SASH1: variants seen among roughly 807,000 people sequenced by gnomAD.
The protein encoded by SASH1 is SAM and SH3 domain containing 1.
A neutral mutation model predicts 125.2 loss-of-function variants in SASH1; 44 were observed. The ratio of observed to expected loss-of-function variants is 0.35; its 90% CI spans 0.28 to 0.45. The LOEUF (loss-of-function observed/expected upper bound fraction) is 0.45, where lower values mean the gene tolerates loss of function less well. SASH1 is among the 20% of genes least tolerant of loss of function. SASH1 has a pLI of 1.00. For missense variants in SASH1, 1,426 were observed against 1,614.5 expected, an observed-to-expected ratio of 0.88 and a Z score of 2.00; for synonymous variants, 639 against 649.1, an observed-to-expected ratio of 0.98 and a Z score of 0.24.
chr6:148,280,667 G>A (rs1479551500), intron 1 of SASH1, among the ~76,000 whole-genome samples: 1 of 152,102 alleles, frequency 6.6e-6, no homozygotes, highest in African/African-American at 2.4e-5. Context: ...AATTAGCTGA[G>A]TGTGGTTGCA....
chr6:148,280,876 T>C (rs1779320730), intron 1 of SASH1, among the ~76,000 whole-genome samples: 1 of 152,016 alleles, frequency 6.6e-6, no homozygotes, highest in South Asian at 2.1e-4. Context: ...GCATAGAGAA[T>C]ATGGCATGTC....
intron 8 of SASH1, among the ~76,000 whole-genome samples, chr6:148,502,647 G>T (rs1779605067): frequency 6.6e-6 from 1 of 151,978 alleles, no homozygotes; most frequent in South Asian, 2.1e-4. Flanking sequence ...GAAGAGGAGG[G>T]CCGGGAAGCT....
At chr6:148,404,779 T>A (rs1232519952) in intron 2 of SASH1, among the ~76,000 whole-genome samples, 2 of 109,668 alleles carry the variant, frequency 1.8e-5, no homozygotes, top group African/African-American at 7.1e-5. Context: ...CTCGCCCTCA[T>A]CCCAGTCCCC....
At chr6:148,215,273 A>G in the SASH1 span, among the ~76,000 whole-genome samples, 1 of 152,232 alleles carries the variant, frequency 6.6e-6, no homozygotes, top group Non-Finnish European at 1.5e-5. Context: ...GCATCTGGAA[A>G]AAAACAACCC....
At chr6:148,220,490 G>T in the SASH1 span, among the ~76,000 whole-genome samples, 1 of 152,296 alleles carries the variant, frequency 6.6e-6, no homozygotes, top group East Asian at 1.9e-4. Context: ...GTTAATTCTA[G>T]CGGGACATAT....
At chr6:148,404,577 A>AACCCCCACCACCTGCCCC (rs1784301179) in intron 2 of SASH1, among the ~76,000 whole-genome samples, 3 of 6,916 alleles carry the variant, frequency 4.3e-4, no homozygotes, top group Non-Finnish European at 8.4e-4. Flanking sequence ...GCTCCGCCCC[A>AACCCCCACCACCTGCCCC]ACCCCCACCA....
the SASH1 span, among the ~76,000 whole-genome samples, chr6:148,197,017 A>G: frequency 6.6e-6 from 1 of 152,324 alleles, no homozygotes; most frequent in African/African-American, 2.4e-5. Context: ...AAGATAGAGA[A>G]TGGAGCAGAT....
chr6:148,403,342 C>T (rs747600754), intron 2 of SASH1, among the ~76,000 whole-genome samples: 10 of 151,442 alleles, frequency 6.6e-5, no homozygotes, highest in African/African-American at 1.2e-4. Context: ...TGGCCTCAAG[C>T]GATCCTCCCA....
Position 148,348,981 on chromosome 6 carries a change from A to G in SASH1, c.156+5758A>G, listed in dbSNP as rs1781610596. Among the ~76,000 whole-genome samples the G allele has an allele frequency of 2.0e-5, 3 of 152,300 alleles. No individual in the cohort carries two copies. In the South Asian group the frequency reaches 6.2e-4, roughly 32 times the overall value. ...GGAGCGTCTGGGCGGCCCCTACCAGACATACCTTTGGATTTGGGCCCTGAG... is the reference window on the plus strand; with the variant it reads ...GGAGCGTCTGGGCGGCCCCTACCAGGCATACCTTTGGATTTGGGCCCTGAG... On this transcript the variant is annotated intron_variant, in intron 1 of 19. Transcript: ENST00000367467.
Position 148,549,689 on chromosome 6 carries a change from T to C in SASH1, c.*1131T>C. On this transcript the variant is annotated 3_prime_UTR_variant, in exon 20 of 20. Coordinates refer to ENST00000367467, the MANE Select transcript of SASH1 (RefSeq NM_015278.5). ...ACTAATACTATTATTATCCTTCTTT[T>C]TTTATTTAGATAATTCTTTTAATTT... 2.5e-6 allele frequency: 1 copy of C among 398,884 alleles called. No homozygotes were observed. Among genetic ancestry groups the C allele is most frequent in the Non-Finnish European group, 4.4e-6 (1 of 225,954 alleles). 24.7% of individuals were successfully genotyped at this position (398,884 alleles called of 1,614,324 possible).
chr6:148,362,296 C>T (rs1207838899), intron 1 of SASH1, among the ~76,000 whole-genome samples: 12 of 151,142 alleles, frequency 7.9e-5, no homozygotes, highest in African/African-American at 2.9e-4. Flanking sequence ...CATCTTGGCT[C>T]ACTACAACCT....
At chr6:148,490,693 G>A (rs1047963075) in intron 8 of SASH1, among the ~76,000 whole-genome samples, 1 of 152,116 alleles carries the variant, frequency 6.6e-6, no homozygotes, top group African/African-American at 2.4e-5. Flanking sequence ...CATACAACCA[G>A]TCATCTTTGT....
intron 11 of SASH1, chr6:148,527,168 C>A: frequency 3.7e-6 from 1 of 273,722 alleles, no homozygotes; most frequent in Admixed American, 5.8e-5. Context: ...AATGCAGCCC[C>A]CTTGGATGTT....
chr6:148,543,623 T>C lies in SASH1; in HGVS notation c.2210-57T>C. On this transcript the variant is annotated intron_variant, in intron 17 of 19. Coordinates refer to ENST00000367467, the MANE Select transcript of SASH1 (RefSeq NM_015278.5). Reference sequence around the variant, plus strand: ...AATTATGTTAGCACAACTTTATGCATCCGTTTGATTGATTTGCTTTTAAAA... The same window carrying C: ...AATTATGTTAGCACAACTTTATGCACCCGTTTGATTGATTTGCTTTTAAAA... 2.8e-6 allele frequency: 4 copies of C among 1,416,206 alleles called. No homozygotes were observed. The South Asian group carries it at 5.6e-5, about 20-fold the overall frequency. The allele number at this position is 1,416,206 out of a possible 1,614,324, so 87.7% of individuals were successfully genotyped here.
chr6:148,243,837 A>G, the SASH1 span, among the ~76,000 whole-genome samples: 12 of 152,184 alleles, frequency 7.9e-5, no homozygotes, highest in East Asian at 2.1e-3. Flanking sequence ...GTTTTAGAGA[A>G]ATGATGCCAG....
intron 1 of SASH1, among the ~76,000 whole-genome samples, chr6:148,356,835 T>C (rs1373665551): frequency 1.3e-5 from 2 of 152,216 alleles, no homozygotes; most frequent in Non-Finnish European, 2.9e-5. Flanking sequence ...TTTTCCCTTT[T>C]CACCACATCC....
At position 148,342,944 on chromosome 6, in the gene SASH1, C is replaced by T; in HGVS notation, c.-124C>T. On this transcript the variant is annotated 5_prime_UTR_variant, in exon 1 of 20. It introduces an in-frame stop codon into an upstream open reading frame of the 5' UTR. Transcript: ENST00000367467. Reference sequence around the variant, plus strand: ...GGGTGGCCGGGGCCGCCGGGGCATGCAGCGCGGGGGCGCGGCTCGGTGACG... The same window carrying T: ...GGGTGGCCGGGGCCGCCGGGGCATGTAGCGCGGGGGCGCGGCTCGGTGACG... 2 of 887,488 alleles carry T rather than the reference C, an allele frequency of 2.3e-6. No individual in the cohort carries two copies. The highest frequency in any genetic ancestry group is 2.7e-6 in the Non-Finnish European group (2 of 740,410). 55.0% of individuals were successfully genotyped at this position (887,488 alleles called of 1,614,324 possible). A position where few individuals can be genotyped will look rare whatever the true frequency, so the allele number is the denominator to read the frequency against.
Position 148,390,271 on chromosome 6 carries a change from G to T in SASH1, c.285+9G>T. Reference sequence around the variant, plus strand: ...CCCAGGACCTGGAAGTGGTGAGTGGGGGTCCTGGGAATATGCTTCTGTGAG... The same window carrying T: ...CCCAGGACCTGGAAGTGGTGAGTGGTGGTCCTGGGAATATGCTTCTGTGAG... On this transcript the variant is annotated intron_variant, in intron 2 of 19. Transcript: ENST00000367467. 1 of 1,609,762 alleles carries T rather than the reference G, an allele frequency of 6.2e-7. No homozygotes were observed. Among genetic ancestry groups the T allele is most frequent in the South Asian group, 1.1e-5 (1 of 90,830 alleles).
chr6:148,326,414 C>CTTTTCTTTTTTT (rs57839850), intron 1 of SASH1, among the ~76,000 whole-genome samples: 3 of 84,062 alleles, frequency 3.6e-5, no homozygotes, highest in Admixed American at 1.6e-4. Context: ...CTTTTCTTTT[C>CTTTTCTTTTTTT]TTTTTTTTGA....
Sources: allele counts gnomAD v4.1 joint callset (sites outside exome capture counted in the v4.1 genomes callset), GRCh38; gene constraint gnomAD v4.1.1; transcripts MANE v1.5; gene names NCBI Gene and HGNC (gene_info 2026-07-23, HGNC 2026-07-21).